The following MCPH1 variants were observed in gnomAD, a reference collection of about 807,000 sequenced individuals.
MCPH1 encodes microcephalin.
Under a neutral mutation model 84.5 loss-of-function variants are expected in MCPH1, and 104 were observed. The ratio of observed to expected loss-of-function variants is 1.23; its 90% CI spans 1.05 to 1.45. The LOEUF (loss-of-function observed/expected upper bound fraction) is 1.45, where lower values mean the gene tolerates loss of function less well. Among genes scored for constraint, MCPH1 ranks in the 40% most tolerant of loss-of-function variants. The probability of loss-of-function intolerance (pLI) is 0.00; values close to 1 mark genes in which losing one functional copy is unlikely to be tolerated. For synonymous variants in MCPH1, 514 were observed against 366.8 expected (o/e 1.40, Z -4.58); for missense variants, 1,498 against 1,005.7 (o/e 1.49, Z -6.62).
At chr8:6,503,212 A>G in intron 12 of MCPH1, 5 of 1,614,112 alleles carry the variant, frequency 3.1e-6, no homozygotes, top group Non-Finnish European at 3.4e-6. Context: ...GCCTCTGTGG[A>G]TAGTACATTC....
intron 11 of MCPH1, among the ~76,000 whole-genome samples, chr8:6,481,139 A>G (rs1217096125): frequency 6.6e-6 from 1 of 152,198 alleles, no homozygotes; most frequent in African/African-American, 2.4e-5. Context: ...AGCAGAAGCA[A>G]GATTACAAAG....
At chr8:6,527,351 G>A (rs1352778059) in intron 12 of MCPH1, among the ~76,000 whole-genome samples, 1 of 152,228 alleles carries the variant, frequency 6.6e-6, no homozygotes, top group African/African-American at 2.4e-5. Flanking sequence ...GGAATGAAAG[G>A]TAAAATCCAG....
chr8:6,633,980 G>A (rs575049314), intron 13 of MCPH1, among the ~76,000 whole-genome samples: 43 of 152,312 alleles, frequency 2.8e-4, no homozygotes, highest in African/African-American at 9.9e-4. Flanking sequence ...TCTTACAGAA[G>A]AGTATGGTGT....
At chr8:6,578,048 C>T (rs894607377) in intron 12 of MCPH1, among the ~76,000 whole-genome samples, 4 of 152,150 alleles carry the variant, frequency 2.6e-5, no homozygotes, top group African/African-American at 4.8e-5. Context: ...TTGGGGAGAG[C>T]CTCACTCCCC....
intron 8 of MCPH1, chr8:6,446,369 C>A (rs1385612937): frequency 6.1e-6 from 6 of 984,694 alleles, no homozygotes; most frequent in Non-Finnish European, 7.2e-6. Context: ...CTCTGCTCTA[C>A]AAATGTTTTA....
intron 8 of MCPH1, among the ~76,000 whole-genome samples, chr8:6,454,802 G>C (rs1319754488): frequency 6.6e-6 from 1 of 152,174 alleles, no homozygotes; most frequent in Non-Finnish European, 1.5e-5. Flanking sequence ...CTACTCTGAA[G>C]AGCTGTTCTT....
At chr8:6,607,043 C>A (rs983323473) in intron 12 of MCPH1, among the ~76,000 whole-genome samples, 6 of 152,190 alleles carry the variant, frequency 3.9e-5, no homozygotes, top group African/African-American at 1.4e-4. Flanking sequence ...CATTTGGAAA[C>A]CAAGAGGCTG....
intron 12 of MCPH1, among the ~76,000 whole-genome samples, chr8:6,527,874 T>G (rs1214265511): frequency 6.6e-6 from 1 of 151,848 alleles, no homozygotes; most frequent in Non-Finnish European, 1.5e-5. Flanking sequence ...GTGTTAAACC[T>G]TTTTACTCTT....
intron 12 of MCPH1, among the ~76,000 whole-genome samples, chr8:6,543,075 C>T (rs916732781): frequency 3.9e-5 from 6 of 152,146 alleles, no homozygotes; most frequent in Admixed American, 1.3e-4. Context: ...TGCCGGGTCC[C>T]ACTGCCTCTG....
intron 4 of MCPH1, 115 bp downstream of exon 4, chr8:6,431,701 T>A: frequency 1.5e-6 from 1 of 678,838 alleles, no homozygotes. Context: ...TTAAATATGC[T>A]ATTGATGATA....
intron 12 of MCPH1, among the ~76,000 whole-genome samples, chr8:6,531,066 C>T (rs1030018759): frequency 6.6e-6 from 1 of 152,168 alleles, no homozygotes; most frequent in Non-Finnish European, 1.5e-5. Flanking sequence ...TGTAAAGAAG[C>T]CAGGATGAGG....
intron 9 of MCPH1, among the ~76,000 whole-genome samples, chr8:6,470,073 G>C (rs542161008): frequency 3.9e-5 from 6 of 152,134 alleles, no homozygotes; most frequent in Admixed American, 3.3e-4. Flanking sequence ...AACAGAAAAG[G>C]GTTGTTTTTC....
intron 12 of MCPH1, among the ~76,000 whole-genome samples, chr8:6,536,197 C>T (rs1820455175): frequency 6.6e-6 from 1 of 152,048 alleles, no homozygotes; most frequent in Non-Finnish European, 1.5e-5. Context: ...GTATATTTAG[C>T]CCCAGAAACA....
chr8:6,528,900 G>A (rs1228849321), intron 12 of MCPH1, among the ~76,000 whole-genome samples: 2 of 152,182 alleles, frequency 1.3e-5, no homozygotes, highest in Non-Finnish European at 2.9e-5. Flanking sequence ...TCTTCTGTGA[G>A]AATAAAGTCC....
chr8:6,452,034 C>T (rs1374685768), intron 8 of MCPH1, among the ~76,000 whole-genome samples: 1 of 152,144 alleles, frequency 6.6e-6, no homozygotes, highest in African/African-American at 2.4e-5. Context: ...ATTTCTTCGG[C>T]CTTAGCTCTA....
chr8:6,524,547 G>T (rs909443631), intron 12 of MCPH1, among the ~76,000 whole-genome samples: 20 of 152,286 alleles, frequency 1.3e-4, no homozygotes, highest in African/African-American at 4.3e-4. Flanking sequence ...GTGATAGTTG[G>T]GTTCAGATCA....
At chr8:6,544,540 G>A (rs768240156) in intron 12 of MCPH1, among the ~76,000 whole-genome samples, 4 of 152,074 alleles carry the variant, frequency 2.6e-5, no homozygotes, top group Non-Finnish European at 4.4e-5. Flanking sequence ...AGTCATTTTC[G>A]GAGAGAGTTT....
rs201475579 is a variant in MCPH1 at position 6,511,552 on chromosome 8, G to GA, written c.2214+11632dup. On this transcript the variant is annotated intron_variant, in intron 12 of 13. Transcript: ENST00000344683. ...AACACTTGGGGAACATTTCTTCTGG[G>GA]AAAAAAAAATCCCTTACATGCTGCA... 7.8e-3 allele frequency among the ~76,000 whole-genome samples: 1,185 copies of GA among 151,128 alleles called. 17 individuals are homozygous for GA. Among genetic ancestry groups the GA allele is most frequent in the African/African-American group, 0.026 (1,068 of 41,264 alleles).
rs535504488 is a variant in MCPH1, at chr8:6,497,372, G to A, written c.2137-2480G>A. Among the ~76,000 whole-genome samples the A allele has an allele frequency of 9.2e-5, 14 of 152,094 alleles. No homozygotes were observed. The East Asian group carries it at 2.1e-3, about 23-fold the overall frequency. On this transcript the variant is annotated intron_variant, in intron 11 of 13. Transcript: ENST00000344683. ...AAAAAAATTAACCAGGCATTGTGAT[G>A]TGCGCCTGTAGTCTCAGCTACACAG... is the stretch of plus-strand genomic sequence containing the variant.
Sources: gnomAD v4.1 joint callset for allele counts (sites outside exome capture counted in the v4.1 genomes callset) on GRCh38, gnomAD v4.1.1 for gene constraint, MANE v1.5 for transcripts, NCBI Gene and HGNC (gene_info 2026-07-23, HGNC 2026-07-21) for gene names.